Variants in STIP1 observed in about 807,000 individuals in gnomAD.
STIP1 encodes stress-induced-phosphoprotein 1.
STIP1 carries 16 observed loss-of-function variants against 77.4 expected under a neutral mutation model. The ratio of observed to expected loss-of-function variants is 0.21; its 90% CI spans 0.14 to 0.31. STIP1 has a LOEUF of 0.31. Ranked by LOEUF, STIP1 falls within the 10% of genes least tolerant of loss-of-function variation. STIP1 has a pLI of 1.00. For missense variants in STIP1, 524 were observed against 684.8 expected (o/e 0.77, Z 2.62); for synonymous variants, 258 against 246.6 (o/e 1.05, Z -0.44).
chr11:64,201,562 G>A (rs1242482443), intron 10 of STIP1, among the ~76,000 whole-genome samples: 1 of 152,120 alleles, frequency 6.6e-6, no homozygotes, highest in African/African-American at 2.4e-5. Flanking sequence ...TGACAAACCT[G>A]GACCGTATTG....
At chr11:64,199,224 G>A (rs1946186420) in intron 8 of STIP1, among the ~76,000 whole-genome samples, 3 of 146,876 alleles carry the variant, frequency 2.0e-5, no homozygotes, top group Admixed American at 1.4e-4. Context: ...GCCAGCAATA[G>A]CCAGTCGCAG....
At chr11:64,189,367 A>T (rs7944061) in intron 1 of STIP1, among the ~76,000 whole-genome samples, 32,299 of 152,030 alleles carry the variant, frequency 0.21, 3,637 homozygotes, top group Admixed American at 0.3. Flanking sequence ...TCAAAAAAAA[A>T]AAATAAATAA....
Position 64,195,098 on chromosome 11 carries a change from CATTTT to C in STIP1, c.503+504_503+508del, listed in dbSNP as rs200955950. Among the ~76,000 whole-genome samples the C allele has an allele frequency of 1.3e-4, 20 of 152,104 alleles. No homozygotes were observed. The South Asian group carries it at 1.7e-3, about 13-fold the overall frequency. On this transcript the variant is annotated intron_variant, in intron 4 of 13. Coordinates refer to ENST00000305218, the MANE Select transcript of STIP1 (RefSeq NM_006819.3). ...GGAATAAACTTGACCTCTGTGACTTCATTTTATTTTATTTTATTTTATTTTATTTT... is the reference window on the plus strand; with the variant it reads ...GGAATAAACTTGACCTCTGTGACTTCATTTTATTTTATTTTATTTTATTTT...
upstream of STIP1, chr11:64,185,710 C>T: frequency 2.1e-6 from 3 of 1,409,132 alleles, no homozygotes; most frequent in Non-Finnish European, 2.9e-6. Flanking sequence ...TCCCATATAT[C>T]AGGGGCGGGG....
At chr11:64,185,495 C>T, upstream of STIP1, 4 of 350,726 alleles carry the variant, frequency 1.1e-5, 1 homozygote, top group South Asian at 1.3e-4. Flanking sequence ...CGCTGGACAA[C>T]GCGGGTAGCT....
intron 11 of STIP1, 27 bp downstream of exon 11, chr11:64,202,939 C>G: frequency 6.2e-7 from 1 of 1,614,090 alleles, no homozygotes; most frequent in Non-Finnish European, 8.5e-7. Flanking sequence ...TGCCTGTCCC[C>G]TGTCTCTAGC....
At chr11:64,203,029 C>T in intron 11 of STIP1, 96 bp from the exon 12 acceptor site, 1 of 1,590,494 alleles carries the variant, frequency 6.3e-7, no homozygotes, top group Non-Finnish European at 8.6e-7. Context: ...GATCCAACAT[C>T]AGCAGGTGTG....
rs1233191374 is a variant in STIP1 at position 64,193,300 on chromosome 11, C to CA, written c.219+14dup. 4.3e-6 allele frequency: 7 copies of CA among 1,613,812 alleles called. No homozygotes were observed. Among genetic ancestry groups the CA allele is most frequent in the Non-Finnish European group, 5.1e-6 (6 of 1,179,852 alleles). ...TGACTGGGGCAAGGTCAGCTGTGGG[C>CA]AGTGGAGGGAGAGAGGCCCTTCAGA... is the stretch of plus-strand genomic sequence containing the variant. On this transcript the variant is annotated intron_variant, in intron 2 of 13. Transcript: ENST00000305218.
intron 1 of STIP1, among the ~76,000 whole-genome samples, chr11:64,187,119 G>A (rs954300759): frequency 6.6e-6 from 1 of 152,080 alleles, no homozygotes; most frequent in Non-Finnish European, 1.5e-5. Flanking sequence ...GGAAGTTATG[G>A]GCCTCTACTG....
Position 64,204,300 on chromosome 11 carries a change from T to A in STIP1, c.*174T>A, listed in dbSNP as rs1946259247. ...GTACCTGCGCTGTTTGTGCCGCCGC[T>A]GCCTCTGGGCCCTCCCAGCACACGC... On this transcript the variant is annotated 3_prime_UTR_variant, in exon 14 of 14. Coordinates refer to ENST00000305218, the MANE Select transcript of STIP1 (RefSeq NM_006819.3). 3.1e-6 allele frequency: 2 copies of A among 641,676 alleles called. No individual in the cohort carries two copies. Among genetic ancestry groups the A allele is most frequent in the East Asian group, 5.7e-5 (2 of 35,368 alleles). 39.7% of individuals were successfully genotyped at this position (641,676 alleles called of 1,614,324 possible). A position where few individuals can be genotyped will look rare whatever the true frequency, so the allele number is the denominator to read the frequency against.
chr11:64,186,457 G>A (rs1447425814), intron 1 of STIP1, 187 bp downstream of exon 1: 2 of 596,622 alleles, frequency 3.4e-6, no homozygotes, highest in African/African-American at 2.0e-5. Context: ...TAGCGAGGCC[G>A]GCCGCGGGGA....
chr11:64,198,471 A>T (rs150473812), intron 8 of STIP1, among the ~76,000 whole-genome samples: 2 of 151,682 alleles, frequency 1.3e-5, no homozygotes, highest in Admixed American at 6.6e-5. Context: ...TCAACCTCCC[A>T]AAGTCCTGGG....
intron 1 of STIP1, chr11:64,186,488 G>A: frequency 2.4e-6 from 1 of 414,414 alleles, no homozygotes; most frequent in African/African-American, 2.1e-5. Flanking sequence ...CCCCCTGGTT[G>A]GGCGAGGAGG....
upstream of STIP1, chr11:64,185,962 G>A (rs1042827607): frequency 2.2e-5 from 34 of 1,538,218 alleles, no homozygotes; most frequent in Middle Eastern, 1.7e-4. Flanking sequence ...TCCATTCGTG[G>A]AGCCTGAGAT....
chr11:64,186,344 C>CGGGGCGGGGGGGGGGGGGG, intron 1 of STIP1, 74 bp downstream of exon 1: 1 of 53,578 alleles, frequency 1.9e-5, no homozygotes, highest in South Asian at 1.8e-4. Context: ...GGTAGGGGGG[C>CGGGGCGGGGGGGGGGGGGG]GGGGCGGGCG....
At position 64,197,855 on chromosome 11, in the gene STIP1, G is replaced by C; in HGVS notation, c.904G>C (p.Ala302Pro). ...TCCTTGTCCCTCTTTCTTTATCAGA[G>C]CATATGCTCGAATTGGCAACTCCTA... ...NREDYRQIAK[A>P]YARIGNSYFK... The change falls in exon 8 of 14, where the codon GCA becomes CCA. Residue 302 changes from alanine (A) to proline (P), a missense_variant and splice_region_variant. Ala to Pro is a conservative substitution (Grantham distance 27). Coordinates refer to ENST00000305218, the MANE Select transcript of STIP1 (RefSeq NM_006819.3). 6.2e-7 allele frequency: 1 copy of C among 1,611,704 alleles called. No individual in the cohort carries two copies. The highest frequency in any genetic ancestry group is 2.2e-5 in the East Asian group (1 of 44,874).
rs1946164854 is a variant in STIP1, at chr11:64,197,604, A to G, written c.902+9A>G. Reference sequence around the variant, plus strand: ...TATCGACAGATTGCCAAGTAGGCTCAACCTTCCAGAATACCTTGAGTAGCG... The same window carrying G: ...TATCGACAGATTGCCAAGTAGGCTCGACCTTCCAGAATACCTTGAGTAGCG... On this transcript the variant is annotated intron_variant, in intron 7 of 13. Coordinates refer to ENST00000305218, the MANE Select transcript of STIP1 (RefSeq NM_006819.3). 6 of 1,613,990 alleles carry G rather than the reference A, an allele frequency of 3.7e-6. No individual in the cohort carries two copies. Among genetic ancestry groups the G allele is most frequent in the Middle Eastern group, 1.6e-4 (1 of 6,062 alleles).
At chr11:64,190,914 G>A (rs985563733) in intron 1 of STIP1, among the ~76,000 whole-genome samples, 2 of 152,192 alleles carry the variant, frequency 1.3e-5, no homozygotes, top group Non-Finnish European at 2.9e-5. Context: ...TTGGCCGGGC[G>A]CAGTGGCTCA....
At chr11:64,199,867 A>C in intron 8 of STIP1, 73 bp from the exon 9 acceptor site, 3 of 1,575,292 alleles carry the variant, frequency 1.9e-6, no homozygotes, top group Admixed American at 1.8e-5. Context: ...CCGGCCCCTA[A>C]TGTGATTTTT....
Sources: allele counts gnomAD v4.1 joint callset (sites outside exome capture counted in the v4.1 genomes callset), GRCh38; gene constraint gnomAD v4.1.1; transcripts MANE v1.5; gene names NCBI Gene and HGNC (gene_info 2026-07-23, HGNC 2026-07-21).